Variants in THRB observed in about 807,000 individuals in gnomAD.
The protein encoded by THRB is nuclear receptor subfamily 1 group A member 2.
A neutral mutation model predicts 47.8 loss-of-function variants in THRB; 12 were observed. That is an observed-to-expected ratio of 0.25 (90% CI 0.16 to 0.41). THRB has a LOEUF of 0.41. Ranked by LOEUF, THRB falls within the 10% of genes least tolerant of loss-of-function variation. The pLI is 1.00. For synonymous variants in THRB, 218 were observed against 212.2 expected (o/e 1.03, Z -0.24); for missense variants, 348 against 589.2 (o/e 0.59, Z 4.24).
chr3:24,120,541 C>A lies in THRB; in HGVS notation c.*2343G>T, dbSNP rs2031498133. ...CCAGAAGGCCTGACGCTGCAGGACC[C>A]TGCCTGCTTGCCTTCCTCTCATTCC... On this transcript the variant is annotated 3_prime_UTR_variant, in exon 11 of 11. Transcript: ENST00000646209. 2 of 152,302 alleles carry A rather than the reference C, an allele frequency of 1.3e-5. No homozygotes were observed. Among genetic ancestry groups the A allele is most frequent in the African/African-American group, 4.8e-5 (2 of 41,474 alleles). The allele number at this position is 152,302 out of a possible 1,614,324, so 9.4% of individuals were successfully genotyped here.
chr3:24,379,067 G>A (rs571149610), intron 1 of THRB, among the ~76,000 whole-genome samples: 24 of 152,104 alleles, frequency 1.6e-4, no homozygotes, highest in African/African-American at 4.8e-4. Flanking sequence ...GATGAGAGTC[G>A]CACAGCCCTG....
In THRB at chr3:24,228,921, TA is replaced by T. The variant is rs754042345; in HGVS notation, c.22+16del. On this transcript the variant is annotated intron_variant, in intron 4 of 10. Transcript: ENST00000646209. The stretch of plus-strand genomic sequence containing the variant: ...AAAATGGAGGCACACAAAGAAAATG[TA>T]AAAAAAAAAAGATACCTGTCATACT... 0.024 allele frequency: 24,683 copies of T among 1,034,206 alleles called. 2 individuals are homozygous for T. The highest frequency in any genetic ancestry group is 0.034 in the South Asian group (1,807 of 52,528). The allele number at this position is 1,034,206 out of a possible 1,614,324, so 64.1% of individuals were successfully genotyped here.
Position 24,127,465 on chromosome 3 carries a change from T to A in THRB, c.1144+34A>T, listed in dbSNP as rs189421185. 4 of 1,613,658 alleles carry A rather than the reference T, an allele frequency of 2.5e-6. No homozygotes were observed. In the Admixed American group the frequency reaches 6.7e-5, roughly 27 times the overall value. ...TTAGCGCTAGACAAGCAAAAGCTCT[T>A]TGGATGCCCACTAACGAGTCTAGGC... On this transcript the variant is annotated intron_variant, in intron 10 of 10. Coordinates refer to ENST00000646209, the MANE Select transcript of THRB (RefSeq NM_001354712.2).
chr3:24,482,281 G>A (rs181765628), intron 1 of THRB, among the ~76,000 whole-genome samples: 28 of 152,306 alleles, frequency 1.8e-4, no homozygotes, highest in Admixed American at 4.6e-4. Flanking sequence ...GCAGTTTATA[G>A]CCATTATCTC....
chr3:24,377,327 G>A (rs1027339278), intron 1 of THRB, among the ~76,000 whole-genome samples: 10 of 152,134 alleles, frequency 6.6e-5, no homozygotes, highest in Middle Eastern at 3.2e-3. Flanking sequence ...AAAGGAAATA[G>A]GATGTCCTAT....
rs993501760 is a variant in THRB at position 24,195,925 on chromosome 3, T to G, written c.23-5591A>C. Among the ~76,000 whole-genome samples, 12 of 152,338 alleles carry G rather than the reference T, an allele frequency of 7.9e-5. 1 individual carries two copies. Among genetic ancestry groups the G allele is most frequent in the Middle Eastern group, 6.8e-3 (2 of 294 alleles). ...CTTACTTTAGGTTCTTCATCATACT[T>G]GTCACCAATGGGAACTGTTTTGTCT... On this transcript the variant is annotated intron_variant, in intron 4 of 10. Coordinates refer to ENST00000646209, the MANE Select transcript of THRB (RefSeq NM_001354712.2).
intron 2 of THRB, among the ~76,000 whole-genome samples, chr3:24,300,207 G>C (rs1267277621): frequency 6.6e-6 from 1 of 152,152 alleles, no homozygotes; most frequent in East Asian, 1.9e-4. Context: ...ACTTTGCTCA[G>C]TTACACCAGG....
chr3:24,292,574 C>G (rs960869378), intron 3 of THRB, among the ~76,000 whole-genome samples: 2 of 152,100 alleles, frequency 1.3e-5, no homozygotes, highest in Admixed American at 6.5e-5. Flanking sequence ...CTCCCTGGCT[C>G]GACGTTAAGC....
At chr3:24,348,035 A>C (rs1346608501) in intron 1 of THRB, among the ~76,000 whole-genome samples, 1 of 152,182 alleles carries the variant, frequency 6.6e-6, no homozygotes, top group Non-Finnish European at 1.5e-5. Context: ...GTATTATAAG[A>C]AAAGAAAATT....
Position 24,302,308 on chromosome 3 carries a change from C to A in THRB, c.-188-4937G>T, listed in dbSNP as rs116547032. Among the ~76,000 whole-genome samples the A allele has an allele frequency of 4.8e-3, 732 of 152,268 alleles. 2 individuals are homozygous for A. The highest frequency in any genetic ancestry group is 0.014 in the Middle Eastern group (4 of 294). On this transcript the variant is annotated intron_variant, in intron 2 of 10. Transcript: ENST00000646209. Reference sequence around the variant, plus strand: ...ACACATTCAAGTACCTGGTAAAAGACAAGTTAGCCTCTGTTCTTGTTTTGT... The same window carrying A: ...ACACATTCAAGTACCTGGTAAAAGAAAAGTTAGCCTCTGTTCTTGTTTTGT...
At chr3:24,340,139 T>C (rs372088065) in intron 1 of THRB, among the ~76,000 whole-genome samples, 1 of 152,216 alleles carries the variant, frequency 6.6e-6, no homozygotes, top group Middle Eastern at 3.2e-3. Context: ...GGTTTACTAA[T>C]ATGTTATTTA....
intron 5 of THRB, among the ~76,000 whole-genome samples, chr3:24,186,111 T>C (rs2149529724): frequency 6.6e-6 from 1 of 152,270 alleles, no homozygotes; most frequent in Admixed American, 6.5e-5. Context: ...GACCCTTTCC[T>C]GTGCAACGAG....
At chr3:24,180,648 A>T (rs1252065966) in intron 5 of THRB, among the ~76,000 whole-genome samples, 1 of 152,162 alleles carries the variant, frequency 6.6e-6, no homozygotes, top group African/African-American at 2.4e-5. Context: ...GTGTGGATAG[A>T]GGCTCATATT....
chr3:24,347,276 T>G (rs926297416), intron 1 of THRB, among the ~76,000 whole-genome samples: 121 of 151,890 alleles, frequency 8.0e-4, no homozygotes, highest in African/African-American at 2.9e-3. Flanking sequence ...CTTAAATGCA[T>G]GTATCAGAAA....
At chr3:24,137,407 G>C (rs1207262383) in intron 8 of THRB, among the ~76,000 whole-genome samples, 2 of 152,240 alleles carry the variant, frequency 1.3e-5, no homozygotes, top group Non-Finnish European at 2.9e-5. Flanking sequence ...TGTATTCGTG[G>C]AAGAATTTGT....
At chr3:24,239,221 C>T (rs1469970163) in intron 3 of THRB, among the ~76,000 whole-genome samples, 5 of 152,102 alleles carry the variant, frequency 3.3e-5, no homozygotes, top group African/African-American at 4.8e-5. Flanking sequence ...GGATTACAGG[C>T]GTGAGCCACT....
At chr3:24,247,629 G>A (rs1449844597) in intron 3 of THRB, among the ~76,000 whole-genome samples, 3 of 151,984 alleles carry the variant, frequency 2.0e-5, no homozygotes, top group African/African-American at 4.8e-5. Context: ...TTTTTCATTT[G>A]ATGCTTACAA....
intron 1 of THRB, among the ~76,000 whole-genome samples, chr3:24,491,279 G>A (rs1698108663): frequency 6.6e-6 from 1 of 152,060 alleles, no homozygotes; most frequent in Admixed American, 6.6e-5. Flanking sequence ...TTTTTACTAT[G>A]CATTTACTCA....
chr3:24,327,422 G>C (rs1000605603), intron 2 of THRB, among the ~76,000 whole-genome samples: 1 of 152,132 alleles, frequency 6.6e-6, no homozygotes, highest in Non-Finnish European at 1.5e-5. Context: ...GAATAAATCA[G>C]ATATTCCAAT....
Sources: allele counts gnomAD v4.1 joint callset (sites outside exome capture counted in the v4.1 genomes callset), GRCh38; gene constraint gnomAD v4.1.1; transcripts MANE v1.5; gene names NCBI Gene and HGNC (gene_info 2026-07-23, HGNC 2026-07-21).